Variants in SELP observed in about 807,000 individuals in gnomAD.
SELP encodes selectin P.
SELP carries 92 observed loss-of-function variants against 104.1 expected under a neutral mutation model. The ratio of observed to expected loss-of-function variants is 0.88; its 90% CI spans 0.75 to 1.05. The LOEUF (loss-of-function observed/expected upper bound fraction) is 1.05, where lower values mean the gene tolerates loss of function less well. Ranked by LOEUF, SELP falls within the 50% of genes least tolerant of loss-of-function variation. The pLI, the probability that SELP is intolerant of heterozygous loss-of-function variation, is 0.00. For synonymous variants in SELP, 397 were observed against 364.5 expected (o/e 1.09, Z -1.01); for missense variants, 1,022 against 1,017.3 (o/e 1.00, Z -0.06).
At chr1:169,615,485 A>G (rs1662766639) in intron 3 of SELP, among the ~76,000 whole-genome samples, 1 of 152,176 alleles carries the variant, frequency 6.6e-6, no homozygotes, top group Non-Finnish European at 1.5e-5. Context: ...TTATTGAGGA[A>G]GACTGTCTTG....
intron 8 of SELP, 41 bp downstream of exon 8, chr1:169,609,463 G>A (rs542230776): frequency 1.6e-5 from 25 of 1,571,146 alleles, no homozygotes; most frequent in Non-Finnish European, 2.2e-5. Context: ...TGCCTCTAAC[G>A]AGCTGAGACA....
intron 9 of SELP, among the ~76,000 whole-genome samples, chr1:169,603,582 G>T (rs1435336372): frequency 6.6e-6 from 1 of 152,066 alleles, no homozygotes; most frequent in Non-Finnish European, 1.5e-5. Context: ...GGTGGAACTG[G>T]TTTCTCCCTT....
chr1:169,600,124 G>A (rs1225392111), intron 10 of SELP, among the ~76,000 whole-genome samples: 1 of 152,006 alleles, frequency 6.6e-6, no homozygotes, highest in Admixed American at 6.6e-5. Context: ...AGGACTTCAG[G>A]TCCTGAAGGG....
chr1:169,600,721 C>A (rs905171493), intron 10 of SELP, among the ~76,000 whole-genome samples: 1 of 152,090 alleles, frequency 6.6e-6, no homozygotes, highest in African/African-American at 2.4e-5. Context: ...TTCTAGGGGG[C>A]AGTGCTGAGG....
chr1:169,596,131 A>G lies in SELP; in HGVS notation c.1895T>C (p.Ile632Thr). Residue 632 changes from isoleucine (I) to threonine (T), a missense_variant, in exon 12 of 17, where the codon ATA (isoleucine) becomes ACA (threonine). Ile to Thr is a moderately conservative substitution (Grantham distance 89). Transcript: ENST00000263686. ...WSATPPTCKG[I>T]ASLPTPGVQC... is the part of the protein sequence containing the mutation. The stretch of plus-strand genomic sequence containing the variant: ...CACCCCTGGAGTAGGAAGTGATGCT[A>G]TGCCTGTTGTGAGAAAATGTTTCCA... The G allele has an allele frequency of 1.2e-6, 2 of 1,613,352 alleles. No individual in the cohort carries two copies. The highest frequency in any genetic ancestry group is 1.1e-5 in the South Asian group (1 of 91,046).
At chr1:169,596,528 T>G (rs1661620593) in intron 11 of SELP, among the ~76,000 whole-genome samples, 1 of 152,234 alleles carries the variant, frequency 6.6e-6, no homozygotes. Context: ...ATGTGAAAGT[T>G]GAAATTTACT....
At position 169,606,949 on chromosome 1, in the gene SELP, C is replaced by G; in HGVS notation, c.1519G>C (p.Ala507Pro). Residue 507 changes from alanine to proline, a missense_variant and splice_region_variant, in exon 9 of 17, where the codon GCC becomes CCC. Physicochemically the swap from Ala to Pro is conservative, Grantham distance 27. Transcript: ENST00000263686. ...GATGTTAGAAAGAATACACTCTTAC[C>G]TTGGCATTCTGGAGGAACAGAATTC... ...NWNSVPPECQ[A>P]IPCTPLLSPQ... 1 of 1,612,206 alleles carries G rather than the reference C, an allele frequency of 6.2e-7. No individual in the cohort carries two copies. Among genetic ancestry groups the G allele is most frequent in the Non-Finnish European group, 8.5e-7 (1 of 1,179,080 alleles).
In SELP at chr1:169,607,759, G is replaced by A. The variant is rs111962234; in HGVS notation, c.1334-625C>T. On this transcript the variant is annotated intron_variant, in intron 8 of 16. Transcript: ENST00000263686. Reference sequence around the variant, plus strand: ...TAATTGTAACTACCTCATAGAGTTAGACTGAGATCATAGAAAGTGCTCAAT... The same window carrying A: ...TAATTGTAACTACCTCATAGAGTTAAACTGAGATCATAGAAAGTGCTCAAT... Among the ~76,000 whole-genome samples the A allele has an allele frequency of 5.3e-4, 81 of 152,250 alleles. 1 individual carries two copies. Among genetic ancestry groups the A allele is most frequent in the Middle Eastern group, 6.8e-3 (2 of 294 alleles).
chr1:169,607,004 A>G lies in SELP; in HGVS notation c.1464T>C (p.Ser488=). ...TTCCAGTAGCCAAGCACTGTAGCAC[A>G]CTTGCTCCCACCAGGAGCAAGCCTT... The part of the protein sequence containing the change: ...CNEGLLLVGA[S]VLQCLATGNW... Residue 488 remains serine (S), a synonymous_variant, in exon 9 of 17, where the codon AGT becomes AGC. Transcript: ENST00000263686. 6.2e-7 allele frequency: 1 copy of G among 1,613,754 alleles called. No individual in the cohort carries two copies. Among genetic ancestry groups the G allele is most frequent in the East Asian group, 2.2e-5 (1 of 44,862 alleles).
Position 169,630,052 on chromosome 1 carries a change from G to A in SELP, c.3+20C>T, listed in dbSNP as rs1450264473. On this transcript the variant is annotated intron_variant, in intron 1 of 16. Transcript: ENST00000263686. Reference sequence around the variant, plus strand: ...CCAACTCACTTCAACCACTTCCCATGCAGAAAAAAATAAACTCACCATCTC... The same window carrying A: ...CCAACTCACTTCAACCACTTCCCATACAGAAAAAAATAAACTCACCATCTC... 23 of 1,613,938 alleles carry A rather than the reference G, an allele frequency of 1.4e-5. No individual in the cohort carries two copies. The highest frequency in any genetic ancestry group is 3.3e-5 in the Admixed American group (2 of 59,986).
chr1:169,627,194 A>G (rs1208189621), intron 1 of SELP, among the ~76,000 whole-genome samples: 1 of 152,234 alleles, frequency 6.6e-6, no homozygotes, highest in Admixed American at 6.5e-5. Flanking sequence ...TATTACAGCT[A>G]ATACATTAGT....
chr1:169,629,095 T>C (rs562514700), intron 1 of SELP, among the ~76,000 whole-genome samples: 18 of 152,344 alleles, frequency 1.2e-4, no homozygotes, highest in African/African-American at 3.8e-4. Context: ...CCTGGGACTA[T>C]GTGGGATACT....
intron 14 of SELP, 114 bp from the exon 15 acceptor site, chr1:169,591,570 G>A (rs1661357960): frequency 1.5e-6 from 1 of 645,224 alleles, no homozygotes. Flanking sequence ...TTTTCAGGAG[G>A]GCTCATTATA....
rs1360378367 is a variant in SELP, at chr1:169,607,053, G to A, written c.1415C>T (p.Ser472Leu). 6.2e-7 allele frequency: 1 copy of A among 1,613,504 alleles called. No homozygotes were observed. Among genetic ancestry groups the A allele is most frequent in the Admixed American group, 1.7e-5 (1 of 59,996 alleles). ...SHPFGAFRYQSVCSFTCNEGL... is the reference protein window; with the variant it reads ...SHPFGAFRYQLVCSFTCNEGL... Reference sequence around the variant, plus strand: ...TTCATTGCAGGTGAAGCTGCAGACTGACTGGTACCTAAAGGCACCGAAGGG... The same window carrying A: ...TTCATTGCAGGTGAAGCTGCAGACTAACTGGTACCTAAAGGCACCGAAGGG... Residue 472 changes from serine to leucine, a missense_variant, in exon 9 of 17, where the codon TCA becomes TTA. Transcript: ENST00000263686.
At chr1:169,602,942 A>G in intron 10 of SELP, 84 bp downstream of exon 10, 1 of 1,212,268 alleles carries the variant, frequency 8.2e-7, no homozygotes, top group Non-Finnish European at 1.1e-6. Flanking sequence ...TCAGCTCAAG[A>G]ACACTTTTAT....
chr1:169,596,813 C>T (rs1661638950), intron 11 of SELP, among the ~76,000 whole-genome samples, 178 bp downstream of exon 11: 1 of 152,224 alleles, frequency 6.6e-6, no homozygotes, highest in Non-Finnish European at 1.5e-5. Flanking sequence ...CTTTTATTCA[C>T]AAACATAAAA....
chr1:169,597,398 C>T (rs1571626634), intron 10 of SELP, among the ~76,000 whole-genome samples: 1 of 152,152 alleles, frequency 6.6e-6, no homozygotes, highest in African/African-American at 2.4e-5. Flanking sequence ...GTACAAGTCA[C>T]GAAGACAAAG....
chr1:169,629,610 T>A (rs1663537979), intron 1 of SELP, among the ~76,000 whole-genome samples: 1 of 152,198 alleles, frequency 6.6e-6, no homozygotes, highest in Admixed American at 6.5e-5. Context: ...ACTATTCAAT[T>A]GTAAGCTTGT....
In SELP at chr1:169,607,019, G is replaced by A; in HGVS notation, c.1449C>T (p.Leu483=). The stretch of plus-strand genomic sequence containing the variant: ...ACTGTAGCACACTTGCTCCCACCAG[G>A]AGCAAGCCTTCATTGCAGGTGAAGC... ...VCSFTCNEGL[L]LVGASVLQCL... Residue 483 remains leucine, a synonymous_variant, in exon 9 of 17, where the codon CTC becomes CTT. Transcript: ENST00000263686. 1 of 1,613,770 alleles carries A rather than the reference G, an allele frequency of 6.2e-7. No individual in the cohort carries two copies. The highest frequency in any genetic ancestry group is 1.1e-5 in the South Asian group (1 of 91,062).
Sources: allele counts gnomAD v4.1 joint callset (sites outside exome capture counted in the v4.1 genomes callset), GRCh38; gene constraint gnomAD v4.1.1; transcripts MANE v1.5; gene names NCBI Gene and HGNC (gene_info 2026-07-23, HGNC 2026-07-21).